NPAS3: variants seen among roughly 807,000 people sequenced by gnomAD.
The protein encoded by NPAS3 is neuronal PAS domain-containing protein 3.
In NPAS3, 14 loss-of-function variants were observed where a neutral mutation model predicts 73.1. The observed-to-expected ratio is 0.19, with a 90% CI of 0.13 to 0.30. The LOEUF is 0.30. Among genes scored for constraint, NPAS3 ranks in the 10% least tolerant of loss-of-function variants. NPAS3 has a pLI of 1.00. For synonymous variants in NPAS3, 620 were observed against 541.5 expected (o/e 1.14, Z -2.01); for missense variants, 1,096 against 1,250.0 (o/e 0.88, Z 1.86).
intron 3 of NPAS3, among the ~76,000 whole-genome samples, chr14:33,340,315 C>T (rs1042313115): frequency 4.6e-5 from 7 of 152,062 alleles, no homozygotes; most frequent in African/African-American, 1.2e-4. Context: ...ACCAACATGG[C>T]GAAACCCTGT....
At chr14:33,495,421 A>T (rs1230923761) in intron 4 of NPAS3, among the ~76,000 whole-genome samples, 1 of 152,036 alleles carries the variant, frequency 6.6e-6, no homozygotes, top group Non-Finnish European at 1.5e-5. Context: ...AGTAACTGTG[A>T]TGTGATGCTG....
intron 11 of NPAS3, among the ~76,000 whole-genome samples, chr14:33,799,040 G>T (rs540113791): frequency 5.3e-5 from 8 of 151,616 alleles, no homozygotes; most frequent in Non-Finnish European, 1.2e-4. Flanking sequence ...AGCCACTCGG[G>T]AGGCTGAGGC....
intron 6 of NPAS3, among the ~76,000 whole-genome samples, 188 bp downstream of exon 6, chr14:33,676,573 T>G (rs1268885599): frequency 1.3e-5 from 2 of 152,226 alleles, no homozygotes; most frequent in Non-Finnish European, 2.9e-5. Context: ...TTAATAAGTA[T>G]AATCCAGAGA....
chr14:33,131,964 A>C (rs190216678), intron 2 of NPAS3, among the ~76,000 whole-genome samples: 27 of 152,274 alleles, frequency 1.8e-4, no homozygotes, highest in Admixed American at 1.1e-3. Context: ...GCAAATGTCA[A>C]CTGTGTCTGG....
intron 4 of NPAS3, among the ~76,000 whole-genome samples, chr14:33,404,474 A>G (rs997102228): frequency 4.6e-5 from 7 of 152,012 alleles, no homozygotes; most frequent in Non-Finnish European, 1.0e-4. Flanking sequence ...TTCATTTTTA[A>G]TTCTTTTTTT....
chr14:33,181,173 C>A lies in NPAS3; in HGVS notation c.141-34009C>A, dbSNP rs547760019. On this transcript the variant is annotated intron_variant, in intron 2 of 11. Coordinates refer to ENST00000356141, the Ensembl canonical transcript of NPAS3. ...AACCAAATTAGATAAATCTGAAACTCCGTGCTTAAAGATGACAAGGCCGTT... is the reference window on the plus strand; with the variant it reads ...AACCAAATTAGATAAATCTGAAACTACGTGCTTAAAGATGACAAGGCCGTT... 4.6e-5 allele frequency among the ~76,000 whole-genome samples: 7 copies of A among 152,190 alleles called. No individual in the cohort carries two copies. The East Asian group carries it at 1.4e-3, about 29-fold the overall frequency.
chr14:33,560,192 C>T (rs200454734), exon 5 of NPAS3: 3 of 869,806 alleles, frequency 3.4e-6, no homozygotes, highest in Non-Finnish European at 2.0e-6. Context: ...CAGTCTCCAT[C>T]TACCTAGGCC....
chr14:33,003,548 A>G (rs965359125), intron 1 of NPAS3, among the ~76,000 whole-genome samples: 1 of 152,306 alleles, frequency 6.6e-6, no homozygotes, highest in Admixed American at 6.5e-5. Flanking sequence ...CCATGAAGGG[A>G]TCTCTGGTAG....
In NPAS3 at chr14:33,297,377, A is replaced by G. The variant is rs185675728; in HGVS notation, c.386-69809A>G. Among the ~76,000 whole-genome samples the G allele has an allele frequency of 1.7e-3, 260 of 152,288 alleles. 1 individual carries two copies. Among genetic ancestry groups the G allele is most frequent in the Admixed American group, 5.0e-3 (76 of 15,290 alleles). On this transcript the variant is annotated intron_variant, in intron 3 of 11. Coordinates refer to ENST00000356141, the Ensembl canonical transcript of NPAS3. ...TAATTTATAGTAATTATCTGGAAAC[A>G]TTTATATATACTATTATTCATAATA...
chr14:33,482,190 G>T (rs981619954), intron 4 of NPAS3, among the ~76,000 whole-genome samples: 2 of 152,042 alleles, frequency 1.3e-5, no homozygotes, highest in African/African-American at 4.8e-5. Context: ...TTCACCAAAG[G>T]TGAGTAATGA....
chr14:33,656,721 G>A (rs1007258809), intron 5 of NPAS3, among the ~76,000 whole-genome samples: 1 of 152,032 alleles, frequency 6.6e-6, no homozygotes, highest in Non-Finnish European at 1.5e-5. Context: ...GGTGGTGAGA[G>A]CACTTAAGAT....
intron 4 of NPAS3, among the ~76,000 whole-genome samples, chr14:33,510,292 C>T (rs1194984937): frequency 6.6e-6 from 1 of 152,060 alleles, no homozygotes; most frequent in Non-Finnish European, 1.5e-5. Context: ...GGGGCCTCCA[C>T]ATCCATCAAA....
intron 4 of NPAS3, among the ~76,000 whole-genome samples, chr14:33,469,651 T>G (rs1463637770): frequency 6.6e-6 from 1 of 152,174 alleles, no homozygotes; most frequent in African/African-American, 2.4e-5. Flanking sequence ...GCCAGTTACC[T>G]AGGCTGAGAA....
chr14:33,119,210 G>T (rs1480441638), intron 2 of NPAS3, among the ~76,000 whole-genome samples: 10 of 151,984 alleles, frequency 6.6e-5, no homozygotes, highest in African/African-American at 9.7e-5. Flanking sequence ...ATTTATTTTA[G>T]GTTAGGACAA....
At chr14:33,502,239 CTAATT>C (rs1204503707) in intron 4 of NPAS3, among the ~76,000 whole-genome samples, 2 of 151,354 alleles carry the variant, frequency 1.3e-5, no homozygotes, top group African/African-American at 2.4e-5. Context: ...GTTTCTAGCT[CTAATT>C]TAAGTGCATT....
chr14:33,384,478 C>G (rs527252067), intron 4 of NPAS3, among the ~76,000 whole-genome samples: 1 of 151,440 alleles, frequency 6.6e-6, no homozygotes, highest in African/African-American at 2.4e-5. Context: ...ACCTGTAATC[C>G]TAGCAGTTTG....
chr14:33,475,273 G>A (rs939311129), intron 4 of NPAS3, among the ~76,000 whole-genome samples: 2 of 152,082 alleles, frequency 1.3e-5, no homozygotes, highest in African/African-American at 4.8e-5. Flanking sequence ...AAGAATAATG[G>A]CATGGAATAT....
intron 10 of NPAS3, among the ~76,000 whole-genome samples, chr14:33,796,227 C>G (rs1028545769): frequency 1.3e-5 from 2 of 152,202 alleles, no homozygotes; most frequent in Admixed American, 1.3e-4. Context: ...TGCACCCAGG[C>G]CCCAATCCAG....
intron 4 of NPAS3, among the ~76,000 whole-genome samples, chr14:33,528,612 C>T (rs1040328985): frequency 5.9e-5 from 9 of 152,024 alleles, no homozygotes; most frequent in African/African-American, 2.2e-4. Flanking sequence ...AAATATGCAT[C>T]TAACCCAAGC....
Sources: allele counts gnomAD v4.1 joint callset (sites outside exome capture counted in the v4.1 genomes callset), GRCh38; gene constraint gnomAD v4.1.1; transcripts MANE v1.5; gene names NCBI Gene and HGNC (gene_info 2026-07-23, HGNC 2026-07-21).